Variants in TRIO observed in about 807,000 individuals in gnomAD.
TRIO encodes the protein triple functional domain protein.
Under a neutral mutation model 351.9 loss-of-function variants are expected in TRIO, and 58 were observed. The ratio of observed to expected loss-of-function variants is 0.16; its 90% CI spans 0.13 to 0.21. The LOEUF (loss-of-function observed/expected upper bound fraction) is 0.21, where lower values mean the gene tolerates loss of function less well. TRIO is among the 10% of genes least tolerant of loss of function. The pLI, the probability that TRIO is intolerant of heterozygous loss-of-function variation, is 1.00. For synonymous variants in TRIO, 1,758 were observed against 1,595.7 expected, an observed-to-expected ratio of 1.10 and a Z score of -2.42; for missense variants, 3,201 against 4,027.8, an observed-to-expected ratio of 0.79 and a Z score of 5.56.
intron 11 of TRIO, among the ~76,000 whole-genome samples, chr5:14,352,543 C>T (rs1306612347): frequency 6.6e-6 from 1 of 152,212 alleles, no homozygotes; most frequent in African/African-American, 2.4e-5. Flanking sequence ...AACTTAAAAA[C>T]AGACTTTCCT....
intron 46 of TRIO, among the ~76,000 whole-genome samples, chr5:14,483,545 G>A (rs1156751173): frequency 2.0e-5 from 3 of 152,154 alleles, no homozygotes; most frequent in Non-Finnish European, 2.9e-5. Context: ...AGAACATTGC[G>A]TCCTCCCCCA....
chr5:14,403,387 GAGGGTGTAGGTT>G (rs1748325495), intron 31 of TRIO, among the ~76,000 whole-genome samples: 1 of 110,448 alleles, frequency 9.1e-6, no homozygotes, highest in Non-Finnish European at 1.8e-5. Context: ...TGTAGGTTGT[GAGGGTGTAGGTT>G]GTGATGAGGG....
intron 20 of TRIO, among the ~76,000 whole-genome samples, chr5:14,379,992 A>G (rs1326709275): frequency 1.3e-5 from 2 of 151,266 alleles, no homozygotes; most frequent in African/African-American, 4.9e-5. Flanking sequence ...TCTCCTTCCT[A>G]TCTCCCACTC....
intron 1 of TRIO, among the ~76,000 whole-genome samples, chr5:14,218,516 CA>C (rs1287326182): frequency 6.6e-6 from 1 of 152,050 alleles, no homozygotes; most frequent in Admixed American, 6.5e-5. Flanking sequence ...ACAAACAAAA[CA>C]AAAAAACCTC....
intron 8 of TRIO, among the ~76,000 whole-genome samples, chr5:14,308,685 T>TG (rs1561320530): frequency 9.8e-6 from 1 of 102,500 alleles, no homozygotes; most frequent in African/African-American, 6.4e-5. Context: ...ATCCATCCAT[T>TG]CATTCTCCTA....
chr5:14,314,846 CATTTTTGTTTTAACTGACACTA>C (rs1478779002), intron 8 of TRIO, among the ~76,000 whole-genome samples: 1 of 152,158 alleles, frequency 6.6e-6, no homozygotes, highest in Non-Finnish European at 1.5e-5. Flanking sequence ...TTAAATTTTC[CATTTTTGTTTTAACTGACACTA>C]ATTCAGCAGT....
chr5:14,390,653 T>C (rs1418410321), intron 26 of TRIO, among the ~76,000 whole-genome samples: 2 of 152,106 alleles, frequency 1.3e-5, no homozygotes, highest in Non-Finnish European at 2.9e-5. Context: ...CACAGCCAGC[T>C]CTGCACGCGT....
In TRIO at chr5:14,461,235, G is replaced by A. The variant is rs200080176; in HGVS notation, c.5420G>A (p.Arg1807His). ...AAGCACAAGAAGAGCCGCGAGGTCC[G>A]CAAGAGCGCCGACGCCGGCTCGCAG... ...AHKHKKSREV[R>H]KSADAGSQKD... Residue 1807 changes from arginine to histidine, a missense_variant, in exon 35 of 57, where the codon CGC becomes CAC. Transcript: ENST00000344204. 2.5e-6 allele frequency: 4 copies of A among 1,585,702 alleles called. No individual in the cohort carries two copies. Among genetic ancestry groups the A allele is most frequent in the Admixed American group, 3.5e-5 (2 of 56,436 alleles).
At chr5:14,460,933 C>T (rs1282656542) in intron 34 of TRIO, 86 bp from the exon 35 acceptor site, 9 of 1,427,564 alleles carry the variant, frequency 6.3e-6, no homozygotes, top group Non-Finnish European at 8.3e-6. Flanking sequence ...CCACTGGCTT[C>T]CCTGCAGCCT....
At position 14,359,460 on chromosome 5, in the gene TRIO, C is replaced by T; in HGVS notation, c.2320C>T (p.Leu774Phe). 6.2e-7 allele frequency: 1 copy of T among 1,614,286 alleles called. No homozygotes were observed. Among genetic ancestry groups the T allele is most frequent in the Non-Finnish European group, 8.5e-7 (1 of 1,180,052 alleles). The change falls in exon 13 of 57, where the codon CTC (leucine) becomes TTC (phenylalanine). Residue 774 changes from leucine to phenylalanine, a missense_variant. Leu to Phe is a conservative substitution (Grantham distance 22, BLOSUM62 0). This residue lies in a region of TRIO where 363 missense variants were observed against 553.5 expected (regional missense o/e 0.66). Transcript: ENST00000344204. ...LDEAQSQMEELFQERKIKLEL... is the reference protein window; with the variant it reads ...LDEAQSQMEEFFQERKIKLEL... ...CGAGGCGCAGTCGCAGATGGAGGAG[C>T]TCTTCCAGGAGCGCAAGATCAAGCT...
Position 14,364,802 on chromosome 5 carries a change from G to A in TRIO, c.2740G>A (p.Ala914Thr). The A allele has an allele frequency of 6.2e-7, 1 of 1,610,202 alleles. No homozygotes were observed. The highest frequency in any genetic ancestry group is 2.2e-5 in the East Asian group (1 of 44,804). ...GTGCGTGCAGCTGCGCCACCTGCAG[G>A]CAGAAGTGAAACAGGTGAGCAAACG... Reference protein sequence around the residue: ...EQCVQLRHLQAEVKQVLGWIR... With the variant: ...EQCVQLRHLQTEVKQVLGWIR... The change falls in exon 15 of 57, where the codon GCA becomes ACA. Residue 914 changes from alanine (A) to threonine (T), a missense_variant. Around this residue, in one of 19 missense-constraint regions of TRIO, gnomAD observed 363 missense variants for 553.5 expected, o/e 0.66. Coordinates refer to ENST00000344204, the MANE Select transcript of TRIO (RefSeq NM_007118.4).
At chr5:14,492,278 A>G (rs572372466) in intron 48 of TRIO, 112 of 448,874 alleles carry the variant, frequency 2.5e-4, no homozygotes, top group African/African-American at 2.0e-3. Context: ...TGAGGGTGCA[A>G]GGAAGACCAC....
At position 14,399,348 on chromosome 5, in the gene TRIO, AT is replaced by A. The variant is rs1240652504; in HGVS notation, c.4614+281del. Reference sequence around the variant, plus strand: ...AAGAAAACATTTCATAAGTGAAATCATTTATCTCCGGTGTGCTTAACTAGCT... The same window carrying A: ...AAGAAAACATTTCATAAGTGAAATCATTATCTCCGGTGTGCTTAACTAGCT... On this transcript the variant is annotated intron_variant, in intron 30 of 56. Coordinates refer to ENST00000344204, the MANE Select transcript of TRIO (RefSeq NM_007118.4). The A allele has an allele frequency of 3.8e-5, 17 of 448,374 alleles. No individual in the cohort carries two copies. In the Admixed American group the frequency reaches 6.1e-4, roughly 16 times the overall value. The allele number at this position is 448,374 out of a possible 1,614,324, so 27.8% of individuals were successfully genotyped here.
intron 1 of TRIO, among the ~76,000 whole-genome samples, chr5:14,257,647 T>C (rs1795102623): frequency 6.6e-6 from 1 of 152,160 alleles, no homozygotes; most frequent in South Asian, 2.1e-4. Flanking sequence ...GTTCCTTAAA[T>C]TATTTATAGT....
At chr5:14,406,534 C>T (rs1200204383) in intron 32 of TRIO, 39 bp from the exon 33 acceptor site, 15 of 1,595,020 alleles carry the variant, frequency 9.4e-6, no homozygotes, top group East Asian at 2.2e-5. Context: ...ACTGCCAGCT[C>T]AGCAGCATCA....
chr5:14,220,028 T>C (rs959400021), intron 1 of TRIO, among the ~76,000 whole-genome samples: 6 of 151,274 alleles, frequency 4.0e-5, no homozygotes, highest in African/African-American at 1.2e-4. Context: ...GGGGTTTTTT[T>C]TTCTTCTTCC....
In TRIO at chr5:14,266,059, CT is replaced by C. The variant is rs142162933; in HGVS notation, c.158-4762del. ...TTCATTCATTCATCCATCCATCTTT[CT>C]TTTCCTTTTCTTTTTTTTTGGAGAC... On this transcript the variant is annotated intron_variant, in intron 1 of 56. Coordinates refer to ENST00000344204, the MANE Select transcript of TRIO (RefSeq NM_007118.4). Among the ~76,000 whole-genome samples, 473 of 151,462 alleles carry C rather than the reference CT, an allele frequency of 3.1e-3. 1 individual carries two copies. The highest frequency in any genetic ancestry group is 0.011 in the African/African-American group (459 of 41,228).
intron 34 of TRIO, among the ~76,000 whole-genome samples, chr5:14,446,866 T>C (rs905405022): frequency 2.6e-5 from 4 of 152,236 alleles, no homozygotes; most frequent in African/African-American, 9.6e-5. Context: ...TCATTCTACA[T>C]AGCTGTAGCT....
rs759795359 is a variant in TRIO, at chr5:14,474,108, A to C, written c.6083+11A>C. ...CGACTGGCACAGAGAGTACGTAAAC[A>C]TGCATTGTGCCCGATGGTGTGCAAA... On this transcript the variant is annotated intron_variant, in intron 40 of 56. Transcript: ENST00000344204. 1.2e-6 allele frequency: 2 copies of C among 1,610,242 alleles called. No individual in the cohort carries two copies. The highest frequency in any genetic ancestry group is 2.2e-5 in the South Asian group (2 of 90,916).
Sources: allele counts gnomAD v4.1 joint callset (sites outside exome capture counted in the v4.1 genomes callset), GRCh38; gene constraint gnomAD v4.1.1; regional missense constraint gnomAD v4.1.1; transcripts MANE v1.5; gene names NCBI Gene and HGNC (gene_info 2026-07-23, HGNC 2026-07-21).